GRM7: variants seen among roughly 807,000 people sequenced by gnomAD.
The protein encoded by GRM7 is metabotropic glutamate receptor 7.
In GRM7, 35 loss-of-function variants were observed where a neutral mutation model predicts 84.5. The ratio of observed to expected loss-of-function variants is 0.41; its 90% CI spans 0.32 to 0.55. The LOEUF (loss-of-function observed/expected upper bound fraction) is 0.55. Among genes scored for constraint, GRM7 ranks in the 20% least tolerant of loss-of-function variants. The pLI is 0.19. For synonymous variants in GRM7, 487 were observed against 455.1 expected, an observed-to-expected ratio of 1.07 and a Z score of -0.89; for missense variants, 1,003 against 1,194.6, an observed-to-expected ratio of 0.84 and a Z score of 2.36.
intron 8 of GRM7, among the ~76,000 whole-genome samples, chr3:7,645,365 G>T (rs1026188210): frequency 6.6e-6 from 1 of 151,706 alleles, no homozygotes; most frequent in Middle Eastern, 3.2e-3. Context: ...TGGCCAACAT[G>T]GTGAAACCCC....
intron 1 of GRM7, chr3:6,884,083 A>G (rs1156842389): frequency 6.5e-6 from 1 of 152,672 alleles, no homozygotes; most frequent in Non-Finnish European, 1.5e-5. Context: ...GCAGTGTGCC[A>G]TCCATTGGTA....
chr3:7,104,645 G>A (rs373010526), intron 1 of GRM7, among the ~76,000 whole-genome samples: 46 of 151,424 alleles, frequency 3.0e-4, no homozygotes, highest in African/African-American at 1.1e-3. Flanking sequence ...GTTATGCCTG[G>A]AACTCATCAA....
intron 8 of GRM7, among the ~76,000 whole-genome samples, chr3:7,678,926 T>G (rs1049909053): frequency 1.4e-5 from 2 of 138,034 alleles, no homozygotes; most frequent in African/African-American, 2.7e-5. Flanking sequence ...CTATCCATTG[T>G]ATGTTTATCA....
At chr3:7,729,854 T>A (rs162207) in intron 9 of GRM7, among the ~76,000 whole-genome samples, 1 of 144,588 alleles carries the variant, frequency 6.9e-6, no homozygotes, top group Non-Finnish European at 1.5e-5. Context: ...TACAGGTGCA[T>A]GCCACCACCT....
chr3:7,098,870 G>C (rs1698949447), intron 1 of GRM7, among the ~76,000 whole-genome samples: 1 of 151,896 alleles, frequency 6.6e-6, no homozygotes, highest in East Asian at 1.9e-4. Flanking sequence ...ATCTGTATTA[G>C]ATAAATAATT....
At chr3:6,950,828 G>A (rs1004574793) in intron 1 of GRM7, among the ~76,000 whole-genome samples, 1 of 152,202 alleles carries the variant, frequency 6.6e-6, no homozygotes, top group South Asian at 2.1e-4. Flanking sequence ...AGTGAGCGAG[G>A]CTCCATGGGC....
At chr3:6,905,584 T>A (rs1326013060) in intron 1 of GRM7, among the ~76,000 whole-genome samples, 7 of 152,124 alleles carry the variant, frequency 4.6e-5, no homozygotes, top group Admixed American at 4.6e-4. Flanking sequence ...TCTCTCTCCC[T>A]CTCCGTCTTC....
intron 5 of GRM7, among the ~76,000 whole-genome samples, chr3:7,446,422 C>T (rs796403008): frequency 4.7e-5 from 7 of 149,870 alleles, no homozygotes; most frequent in African/African-American, 4.9e-5. Flanking sequence ...TTTTGAAACA[C>T]GATTTTGTTG....
chr3:7,638,002 T>C (rs1011700676), intron 8 of GRM7, among the ~76,000 whole-genome samples: 6 of 152,230 alleles, frequency 3.9e-5, no homozygotes, highest in Non-Finnish European at 1.5e-5. Flanking sequence ...AGCAAAGTTC[T>C]ATAATTTCTA....
At chr3:7,684,540 C>G (rs898742028) in intron 9 of GRM7, among the ~76,000 whole-genome samples, 2 of 152,186 alleles carry the variant, frequency 1.3e-5, no homozygotes, top group Non-Finnish European at 2.9e-5. Context: ...TCTACTCATC[C>G]AACTCCACAC....
At chr3:7,013,231 A>G (rs1695446079) in intron 1 of GRM7, among the ~76,000 whole-genome samples, 1 of 152,070 alleles carries the variant, frequency 6.6e-6, no homozygotes, top group Non-Finnish European at 1.5e-5. Context: ...GCAAAAAGCA[A>G]ATGTGTATGC....
At chr3:7,028,960 C>T (rs999055117) in intron 1 of GRM7, among the ~76,000 whole-genome samples, 5 of 152,144 alleles carry the variant, frequency 3.3e-5, no homozygotes, top group Non-Finnish European at 5.9e-5. Flanking sequence ...AATGGTACAG[C>T]TGCTGTGGAA....
chr3:7,202,519 T>C (rs1241343123), intron 2 of GRM7, among the ~76,000 whole-genome samples: 1 of 152,016 alleles, frequency 6.6e-6, no homozygotes, highest in Non-Finnish European at 1.5e-5. Flanking sequence ...TTAGTAGAGG[T>C]GGGGTTTCAC....
At chr3:7,506,417 T>G (rs1185019296) in intron 7 of GRM7, among the ~76,000 whole-genome samples, 2 of 152,192 alleles carry the variant, frequency 1.3e-5, no homozygotes, top group Non-Finnish European at 2.9e-5. Context: ...AGACTTTTTC[T>G]AGCCTACTCC....
At chr3:7,259,982 C>A (rs530510674) in intron 2 of GRM7, among the ~76,000 whole-genome samples, 112 of 32,570 alleles carry the variant, frequency 3.4e-3, no homozygotes, top group African/African-American at 0.026. Context: ...TTAATAATAG[C>A]CATCTGGGTG....
In GRM7 at chr3:7,469,388, T is replaced by C. The variant is rs139152271; in HGVS notation, c.1515+7666T>C. Among the ~76,000 whole-genome samples the C allele has an allele frequency of 3.8e-3, 581 of 152,242 alleles. 3 individuals carry two copies. Among genetic ancestry groups the C allele is most frequent in the African/African-American group, 0.013 (553 of 41,536 alleles). On this transcript the variant is annotated intron_variant, in intron 7 of 9. Transcript: ENST00000357716. ...GTCAGAAGAAAAGGAGGGAAAGAAA[T>C]AGAAGAGTTAGTTTTTGTTTTATTT...
intron 1 of GRM7, among the ~76,000 whole-genome samples, chr3:7,090,054 G>A (rs1698609037): frequency 6.6e-6 from 1 of 152,090 alleles, no homozygotes. Flanking sequence ...TGTTGGCCAG[G>A]CCAGTCTTGA....
intron 1 of GRM7, among the ~76,000 whole-genome samples, chr3:7,054,915 A>C (rs935682568): frequency 6.6e-6 from 1 of 151,886 alleles, no homozygotes; most frequent in African/African-American, 2.4e-5. Context: ...ATGTTCTAGA[A>C]TCTCTCCAGG....
At chr3:7,329,460 G>A (rs548656206) in intron 4 of GRM7, among the ~76,000 whole-genome samples, 3 of 152,144 alleles carry the variant, frequency 2.0e-5, no homozygotes, top group Admixed American at 2.0e-4. Context: ...TTTGTGAATG[G>A]GTATGTGGAG....
Sources: gnomAD v4.1 joint callset for allele counts (sites outside exome capture counted in the v4.1 genomes callset) on GRCh38, gnomAD v4.1.1 for gene constraint, MANE v1.5 for transcripts, NCBI Gene and HGNC (gene_info 2026-07-23, HGNC 2026-07-21) for gene names.